The following NCK2 variants were observed in gnomAD, a reference collection of about 807,000 sequenced individuals.
The protein encoded by NCK2 is cytoplasmic protein NCK2.
Under a neutral mutation model 33.9 loss-of-function variants are expected in NCK2, and 16 were observed. The observed-to-expected ratio is 0.47, with a 90% CI of 0.32 to 0.72. The LOEUF is 0.72. Among genes scored for constraint, NCK2 ranks in the 30% least tolerant of loss-of-function variants. NCK2 has a pLI of 0.03. For missense variants in NCK2, 418 were observed against 537.3 expected (o/e 0.78, Z 2.19); for synonymous variants, 273 against 239.9 (o/e 1.14, Z -1.27).
At chr2:105,780,510 G>A (rs1690457703) in intron 1 of NCK2, among the ~76,000 whole-genome samples, 1 of 152,154 alleles carries the variant, frequency 6.6e-6, no homozygotes, top group African/African-American at 2.4e-5. Flanking sequence ...GTTGAATAAA[G>A]TGATAACCAC....
intron 1 of NCK2, among the ~76,000 whole-genome samples, chr2:105,779,719 T>C (rs951408167): frequency 1.3e-5 from 2 of 152,160 alleles, no homozygotes; most frequent in Non-Finnish European, 2.9e-5. Flanking sequence ...TAATCAGCTT[T>C]TGAATTGAGC....
chr2:105,746,111 T>A (rs1689279291), intron 1 of NCK2, among the ~76,000 whole-genome samples: 1 of 152,232 alleles, frequency 6.6e-6, no homozygotes, highest in Non-Finnish European at 1.5e-5. Context: ...GGAGTCGGCC[T>A]TGGCCACTTC....
intron 4 of NCK2, among the ~76,000 whole-genome samples, chr2:105,891,339 C>T (rs1678967907): frequency 6.6e-6 from 1 of 151,994 alleles, no homozygotes; most frequent in Non-Finnish European, 1.5e-5. Flanking sequence ...CTGTTCCCCA[C>T]ACCAGATTGT....
At chr2:105,880,662 G>T (rs546940343) in intron 3 of NCK2, among the ~76,000 whole-genome samples, 5 of 152,170 alleles carry the variant, frequency 3.3e-5, no homozygotes, top group Non-Finnish European at 7.3e-5. Flanking sequence ...GAATGAAAAA[G>T]ATATTTTCTC....
intron 1 of NCK2, among the ~76,000 whole-genome samples, chr2:105,791,543 G>T (rs1019087994): frequency 6.6e-6 from 1 of 152,160 alleles, no homozygotes; most frequent in Non-Finnish European, 1.5e-5. Context: ...TATTTGTTCC[G>T]TGTATTACAG....
chr2:105,763,929 A>G (rs1305487609), intron 1 of NCK2, among the ~76,000 whole-genome samples: 1 of 152,232 alleles, frequency 6.6e-6, no homozygotes, highest in East Asian at 1.9e-4. Flanking sequence ...GTGAAGGTAC[A>G]TTCTTAAAGT....
chr2:105,808,211 C>T (rs1280885304), intron 1 of NCK2, among the ~76,000 whole-genome samples: 1 of 152,216 alleles, frequency 6.6e-6, no homozygotes, highest in East Asian at 1.9e-4. Context: ...TTCTTTGTTT[C>T]TTAAGAAAAG....
At chr2:105,858,594 C>T (rs993743111) in intron 3 of NCK2, among the ~76,000 whole-genome samples, 2 of 152,144 alleles carry the variant, frequency 1.3e-5, no homozygotes, top group East Asian at 1.9e-4. Flanking sequence ...AAAATGGCAC[C>T]GGCCTCCCCA....
chr2:105,830,877 T>TA (rs1659370620), intron 2 of NCK2, among the ~76,000 whole-genome samples: 1 of 152,208 alleles, frequency 6.6e-6, no homozygotes, highest in Non-Finnish European at 1.5e-5. Context: ...TGATCATTTT[T>TA]AAAACCAGAT....
rs146492224 is a variant in NCK2 at position 105,775,469 on chromosome 2, A to G, written c.-201+30331A>G. The stretch of plus-strand genomic sequence containing the variant: ...CTTCAGATTGATCTTGTTTGAACTT[A>G]ATCATTTTTCCTCTGACTTGCTTAT... On this transcript the variant is annotated intron_variant, in intron 1 of 4. Coordinates refer to ENST00000233154, the MANE Select transcript of NCK2 (RefSeq NM_003581.5). 1.2e-3 allele frequency among the ~76,000 whole-genome samples: 176 copies of G among 152,306 alleles called. 1 individual carries two copies. The highest frequency in any genetic ancestry group is 1.2e-4 in the Non-Finnish European group (8 of 68,024).
At chr2:105,808,530 T>G (rs1369893768) in intron 1 of NCK2, among the ~76,000 whole-genome samples, 1 of 152,140 alleles carries the variant, frequency 6.6e-6, no homozygotes, top group Non-Finnish European at 1.5e-5. Context: ...GAAAGGATCT[T>G]TCATCGAAGG....
rs189071006 is a variant in NCK2 at position 105,888,246 on chromosome 2, T to C, written c.949-4736T>C. Among the ~76,000 whole-genome samples, 36 of 152,320 alleles carry C rather than the reference T, an allele frequency of 2.4e-4. No individual in the cohort carries two copies. In the East Asian group the frequency reaches 6.0e-3, roughly 25 times the overall value. ...ACTAATTGTTCATTCTCCAGAACCA[T>C]TGATTCAAAAACTATGAGAATGGAA... is the stretch of plus-strand genomic sequence containing the variant. On this transcript the variant is annotated intron_variant, in intron 4 of 4. Coordinates refer to ENST00000233154, the MANE Select transcript of NCK2 (RefSeq NM_003581.5).
At chr2:105,866,290 C>T (rs991119182) in intron 3 of NCK2, among the ~76,000 whole-genome samples, 1 of 152,162 alleles carries the variant, frequency 6.6e-6, no homozygotes, top group Non-Finnish European at 1.5e-5. Context: ...TCTTATCACT[C>T]AGAAGTAATC....
intron 4 of NCK2, among the ~76,000 whole-genome samples, chr2:105,886,569 A>G (rs1327306564): frequency 6.6e-6 from 1 of 152,184 alleles, no homozygotes; most frequent in Non-Finnish European, 1.5e-5. Context: ...TGATGCGCCA[A>G]TTTGAGAACC....
At chr2:105,836,261 C>G (rs535312102) in intron 2 of NCK2, among the ~76,000 whole-genome samples, 2 of 151,694 alleles carry the variant, frequency 1.3e-5, no homozygotes, top group East Asian at 3.9e-4. Context: ...CATGGAGTAT[C>G]TTTCATAGGG....
intron 2 of NCK2, among the ~76,000 whole-genome samples, chr2:105,851,279 TC>T (rs1175475424): frequency 1.8e-4 from 28 of 151,944 alleles, no homozygotes; most frequent in Non-Finnish European, 7.4e-5. Context: ...TTTTTTTTTT[TC>T]TGAGACGGAG....
intron 2 of NCK2, among the ~76,000 whole-genome samples, chr2:105,844,393 TA>T (rs1676768877): frequency 6.6e-6 from 1 of 152,138 alleles, no homozygotes; most frequent in Admixed American, 6.5e-5. Flanking sequence ...CATACTAATG[TA>T]ATATGTTAAT....
intron 1 of NCK2, among the ~76,000 whole-genome samples, chr2:105,795,651 T>A (rs575184222): frequency 6.6e-6 from 1 of 152,334 alleles, no homozygotes; most frequent in African/African-American, 2.4e-5. Context: ...CAGGCGTTGT[T>A]GATTGTCACC....
intron 3 of NCK2, among the ~76,000 whole-genome samples, chr2:105,870,907 G>A (rs1652913396): frequency 6.6e-6 from 1 of 152,098 alleles, no homozygotes; most frequent in Admixed American, 6.5e-5. Context: ...TGACATACGG[G>A]TGTGTGAGTG....
Sources: allele counts gnomAD v4.1 joint callset (sites outside exome capture counted in the v4.1 genomes callset), GRCh38; gene constraint gnomAD v4.1.1; transcripts MANE v1.5; gene names NCBI Gene and HGNC (gene_info 2026-07-23, HGNC 2026-07-21).